Variants in MYO5B observed in about 807,000 individuals in gnomAD.
MYO5B encodes unconventional myosin-Vb.
In MYO5B, 143 loss-of-function variants were observed where a neutral mutation model predicts 229.3. The ratio of observed to expected loss-of-function variants is 0.62; its 90% confidence interval spans 0.54 to 0.72. MYO5B has a LOEUF of 0.72. Among genes scored for constraint, MYO5B ranks in the 30% least tolerant of loss-of-function variants. The pLI is 0.00. For missense variants in MYO5B, 2,321 were observed against 2,331.0 expected (o/e 1.00, Z 0.09); for synonymous variants, 918 against 885.2 (o/e 1.04, Z -0.66).
chr18:49,851,423 T>C (rs1425580522), intron 31 of MYO5B, among the ~76,000 whole-genome samples: 2 of 152,226 alleles, frequency 1.3e-5, no homozygotes, highest in East Asian at 1.9e-4. Context: ...GTAGGGGTAT[T>C]GGAACCACCT....
intron 4 of MYO5B, among the ~76,000 whole-genome samples, chr18:50,033,484 G>T (rs1442958906): frequency 6.6e-6 from 1 of 152,154 alleles, no homozygotes; most frequent in African/African-American, 2.4e-5. Flanking sequence ...CAGACAGTGA[G>T]CCCCTTAAGA....
intron 4 of MYO5B, among the ~76,000 whole-genome samples, chr18:50,031,962 C>T (rs781398111): frequency 2.6e-5 from 4 of 152,170 alleles, no homozygotes; most frequent in Non-Finnish European, 5.9e-5. Flanking sequence ...TAAAGGAAGA[C>T]GTTTAACTTG....
At chr18:50,100,924 G>A (rs1297507017) in intron 1 of MYO5B, among the ~76,000 whole-genome samples, 1 of 152,164 alleles carries the variant, frequency 6.6e-6, no homozygotes, top group Non-Finnish European at 1.5e-5. Flanking sequence ...CAGGGCTTGG[G>A]CCAATGAAAA....
intron 16 of MYO5B, among the ~76,000 whole-genome samples, chr18:49,934,866 A>T (rs2025232243): frequency 6.6e-6 from 1 of 152,228 alleles, no homozygotes; most frequent in Non-Finnish European, 1.5e-5. Flanking sequence ...TCAGATATTC[A>T]GTCTGAGAGT....
chr18:49,980,599 A>G (rs1598928882), intron 8 of MYO5B, 46 bp from the exon 9 acceptor site: 2 of 1,386,688 alleles, frequency 1.4e-6, no homozygotes, highest in African/African-American at 2.8e-5. Flanking sequence ...CCATGGTCGG[A>G]CAGAAAGGAC....
chr18:49,931,953 C>T (rs2025197774), intron 16 of MYO5B, among the ~76,000 whole-genome samples: 1 of 152,218 alleles, frequency 6.6e-6, no homozygotes, highest in African/African-American at 2.4e-5. Context: ...AGCATGACCA[C>T]AGGGTCAAGT....
chr18:50,050,297 G>A (rs1393607784), intron 2 of MYO5B, among the ~76,000 whole-genome samples: 1 of 152,170 alleles, frequency 6.6e-6, no homozygotes, highest in African/African-American at 2.4e-5. Flanking sequence ...TGCCAGATGT[G>A]TGCACAGCAG....
At chr18:50,149,694 T>C (rs1234447737) in intron 1 of MYO5B, among the ~76,000 whole-genome samples, 3 of 151,988 alleles carry the variant, frequency 2.0e-5, no homozygotes, top group Non-Finnish European at 4.4e-5. Flanking sequence ...TCAAGATGGA[T>C]TAAAGACTTA....
At chr18:49,929,982 G>A (rs1165932808) in intron 16 of MYO5B, among the ~76,000 whole-genome samples, 1 of 152,098 alleles carries the variant, frequency 6.6e-6, no homozygotes, top group Non-Finnish European at 1.5e-5. Flanking sequence ...ACTGTCCCAA[G>A]CATATATGCT....
intron 13 of MYO5B, among the ~76,000 whole-genome samples, chr18:49,954,012 G>A (rs1413491020): frequency 2.5e-5 from 3 of 122,254 alleles, no homozygotes; most frequent in Non-Finnish European, 4.9e-5. Flanking sequence ...ATATATGTGT[G>A]TATGTATTTA....
intron 1 of MYO5B, among the ~76,000 whole-genome samples, chr18:50,087,348 GATCA>G (rs2031351535): frequency 1.3e-5 from 2 of 152,106 alleles, no homozygotes; most frequent in African/African-American, 4.8e-5. Context: ...GAGGCGGGTA[GATCA>G]CGAAGCAGGA....
intron 22 of MYO5B, among the ~76,000 whole-genome samples, chr18:49,883,375 T>C (rs548183442): frequency 6.7e-6 from 1 of 150,028 alleles, no homozygotes; most frequent in Non-Finnish European, 1.5e-5. Flanking sequence ...GAAAAATAAA[T>C]TAAGAAAACG....
At chr18:49,935,537 G>C (rs548069745) in intron 16 of MYO5B, among the ~76,000 whole-genome samples, 51 of 151,808 alleles carry the variant, frequency 3.4e-4, no homozygotes, top group African/African-American at 1.2e-3. Flanking sequence ...AATCATTCTT[G>C]GGGGGTGGCA....
intron 25 of MYO5B, among the ~76,000 whole-genome samples, chr18:49,877,207 CA>C (rs1187381400): frequency 6.6e-6 from 1 of 152,130 alleles, no homozygotes; most frequent in East Asian, 1.9e-4. Context: ...GTACCTTTGA[CA>C]AAATTATACA....
intron 1 of MYO5B, among the ~76,000 whole-genome samples, chr18:50,183,061 C>G (rs1268306177): frequency 6.6e-6 from 1 of 152,062 alleles, no homozygotes. Flanking sequence ...CCTATGACCT[C>G]AAAGCTTTTG....
chr18:49,967,819 C>T (rs1028207437), intron 10 of MYO5B, among the ~76,000 whole-genome samples: 7 of 152,144 alleles, frequency 4.6e-5, no homozygotes, highest in South Asian at 4.2e-4. Context: ...GCCTGCATTC[C>T]GCTCAGGTGC....
intron 1 of MYO5B, among the ~76,000 whole-genome samples, chr18:50,072,440 G>A (rs1327471038): frequency 6.6e-6 from 1 of 152,094 alleles, no homozygotes; most frequent in African/African-American, 2.4e-5. Flanking sequence ...TAGCCTGGGG[G>A]GAAATTAGAA....
intron 1 of MYO5B, among the ~76,000 whole-genome samples, chr18:50,133,228 T>C (rs2032281572): frequency 6.6e-6 from 1 of 150,998 alleles, no homozygotes; most frequent in South Asian, 2.1e-4. Context: ...ATTCAAGCCA[T>C]ACAGAAACAC....
rs1341883993 is a variant in MYO5B at position 50,169,220 on chromosome 18, G to T, written c.27+25547C>A. Among the ~76,000 whole-genome samples the T allele has an allele frequency of 1.6e-4, 21 of 127,282 alleles. 6 individuals carry two copies. Among genetic ancestry groups the T allele is most frequent in the African/African-American group, 6.2e-4 (21 of 33,666 alleles). 83.5% of individuals were successfully genotyped at this position (127,282 alleles called of 152,430 possible). A position where few individuals can be genotyped will look rare whatever the true frequency, so the allele number is the denominator to read the frequency against. On this transcript the variant is annotated intron_variant, in intron 1 of 39. Transcript: ENST00000285039. The stretch of plus-strand genomic sequence containing the variant: ...GCTATTCAAGAGGCTGAGGCAGGAG[G>T]ATCCCTTGAGCCCAAGAGGCTGCAG...
Sources: gnomAD v4.1 joint callset for allele counts (sites outside exome capture counted in the v4.1 genomes callset) on GRCh38, gnomAD v4.1.1 for gene constraint, MANE v1.5 for transcripts, NCBI Gene and HGNC (gene_info 2026-07-23, HGNC 2026-07-21) for gene names.